Variants in MEGF11 observed in about 807,000 individuals in gnomAD.
The protein encoded by MEGF11 is multiple EGF like domains 11.
In MEGF11, 126 loss-of-function variants were observed where a neutral mutation model predicts 146.6. That is an observed-to-expected ratio of 0.86 (90% confidence interval 0.74 to 1.00). The LOEUF (loss-of-function observed/expected upper bound fraction) is 1.00, where lower values mean the gene tolerates loss of function less well. MEGF11 is among the 50% of genes least tolerant of loss of function. MEGF11 has a pLI of 0.00. For synonymous variants in MEGF11, 532 were observed against 583.4 expected (o/e 0.91, Z 1.27); for missense variants, 1,509 against 1,521.2 (o/e 0.99, Z 0.13).
intron 5 of MEGF11, among the ~76,000 whole-genome samples, chr15:66,043,228 G>A (rs1490955223): frequency 2.0e-5 from 3 of 152,242 alleles, no homozygotes; most frequent in African/African-American, 7.2e-5. Context: ...ACAGTGGTTG[G>A]CAACCCAATG....
intron 5 of MEGF11, among the ~76,000 whole-genome samples, chr15:66,046,436 G>C (rs892686351): frequency 1.3e-5 from 2 of 152,226 alleles, no homozygotes; most frequent in African/African-American, 2.4e-5. Context: ...CTCACGGGAC[G>C]TGGTGGTCAG....
Position 66,107,951 on chromosome 15 carries a change from AAGAC to A in MEGF11, c.301+11131_301+11134del, listed in dbSNP as rs201599034. ...ACCTGGAGTGAAAGGGGCTGCAATC[AAGAC>A]AGGGCCGGGGCTGGGTAGGGAGGTG... is the stretch of plus-strand genomic sequence containing the variant. On this transcript the variant is annotated intron_variant, in intron 4 of 25. Transcript: ENST00000395614. 8.2e-3 allele frequency among the ~76,000 whole-genome samples: 1,205 copies of A among 146,090 alleles called. 7 individuals carry two copies. Among genetic ancestry groups the A allele is most frequent in the Non-Finnish European group, 0.013 (906 of 67,982 alleles).
Position 65,995,156 on chromosome 15 carries a change from C to T in MEGF11, c.395-12668G>A, listed in dbSNP as rs577999812. 4.4e-3 allele frequency among the ~76,000 whole-genome samples: 677 copies of T among 152,218 alleles called. 7 individuals are homozygous for T. Among genetic ancestry groups the T allele is most frequent in the African/African-American group, 0.015 (639 of 41,522 alleles). Reference sequence around the variant, plus strand: ...GGGAAGACAGTCTGAGTGGAGGGGCCGGTAAGAGCACAGGGAGGGGGCGTG... The same window carrying T: ...GGGAAGACAGTCTGAGTGGAGGGGCTGGTAAGAGCACAGGGAGGGGGCGTG... On this transcript the variant is annotated intron_variant, in intron 5 of 25. Coordinates refer to ENST00000395614, the MANE Select transcript of MEGF11 (RefSeq NM_001385028.1).
chr15:65,950,370 A>G (rs556837758), intron 10 of MEGF11, among the ~76,000 whole-genome samples: 1 of 152,212 alleles, frequency 6.6e-6, no homozygotes, highest in East Asian at 1.9e-4. Flanking sequence ...AGATCATGAG[A>G]GGCCAGGAAT....
chr15:66,075,388 G>T (rs1431137691), intron 5 of MEGF11, among the ~76,000 whole-genome samples: 1 of 152,178 alleles, frequency 6.6e-6, no homozygotes, highest in Non-Finnish European at 1.5e-5. Flanking sequence ...TCAGAAGCAG[G>T]ATATTTTCAT....
chr15:66,019,486 T>G (rs1390369095), intron 5 of MEGF11, among the ~76,000 whole-genome samples: 2 of 152,242 alleles, frequency 1.3e-5, no homozygotes, highest in East Asian at 3.8e-4. Flanking sequence ...GCGGCTGCCT[T>G]GGTCTTAGGC....
At chr15:66,188,416 G>A (rs1455398065) in intron 1 of MEGF11, among the ~76,000 whole-genome samples, 1 of 151,970 alleles carries the variant, frequency 6.6e-6, no homozygotes, top group East Asian at 1.9e-4. Context: ...ACCTTGCCAG[G>A]TTACAGCCCT....
intron 1 of MEGF11, among the ~76,000 whole-genome samples, chr15:66,181,262 G>T (rs1157697903): frequency 6.6e-6 from 1 of 152,188 alleles, no homozygotes. Context: ...TTGAGACAGG[G>T]TCTCACTCTG....
intron 5 of MEGF11, among the ~76,000 whole-genome samples, chr15:66,044,132 T>C (rs1270854365): frequency 6.6e-6 from 1 of 152,142 alleles, no homozygotes; most frequent in Non-Finnish European, 1.5e-5. Flanking sequence ...TTGGGGAGCT[T>C]GTACAAAGCA....
At chr15:66,080,218 C>T (rs546475770) in intron 5 of MEGF11, among the ~76,000 whole-genome samples, 7 of 152,214 alleles carry the variant, frequency 4.6e-5, no homozygotes, top group Non-Finnish European at 1.0e-4. Flanking sequence ...TGAGCACAGG[C>T]TCCTCACAAT....
intron 5 of MEGF11, among the ~76,000 whole-genome samples, chr15:66,065,661 G>A (rs551092947): frequency 6.6e-5 from 10 of 152,354 alleles, no homozygotes; most frequent in South Asian, 4.1e-4. Context: ...GGACACTGCC[G>A]AGTGTGGCTT....
At chr15:65,940,171 C>G (rs2079935733) in intron 10 of MEGF11, among the ~76,000 whole-genome samples, 1 of 152,186 alleles carries the variant, frequency 6.6e-6, no homozygotes. Context: ...TGCAGGCGGC[C>G]TGTAGTGGCT....
At chr15:66,124,699 A>G (rs999283293) in intron 2 of MEGF11, among the ~76,000 whole-genome samples, 5 of 152,178 alleles carry the variant, frequency 3.3e-5, no homozygotes, top group Non-Finnish European at 5.9e-5. Context: ...TATGTCCCTG[A>G]TAGAATTGGT....
At chr15:66,073,567 A>G (rs2085456535) in intron 5 of MEGF11, among the ~76,000 whole-genome samples, 2 of 152,154 alleles carry the variant, frequency 1.3e-5, no homozygotes, top group Non-Finnish European at 2.9e-5. Flanking sequence ...CCAGGATCTA[A>G]CAGATCACTC....
At chr15:66,105,339 C>T (rs1158520379) in intron 4 of MEGF11, among the ~76,000 whole-genome samples, 1 of 152,162 alleles carries the variant, frequency 6.6e-6, no homozygotes, top group Admixed American at 6.5e-5. Context: ...TGCCTGGCCT[C>T]CCTTCTGCAA....
intron 16 of MEGF11, among the ~76,000 whole-genome samples, chr15:65,917,622 AC>A (rs1176255755): frequency 6.6e-6 from 1 of 152,028 alleles, no homozygotes; most frequent in African/African-American, 2.4e-5. Context: ...GCCTCATCTC[AC>A]TTCCCTACTC....
chr15:65,950,084 A>G (rs999620867), intron 10 of MEGF11, among the ~76,000 whole-genome samples: 1 of 152,200 alleles, frequency 6.6e-6, no homozygotes, highest in African/African-American at 2.4e-5. Context: ...GGCCAGGACC[A>G]GTCATCCTCT....
intron 1 of MEGF11, among the ~76,000 whole-genome samples, chr15:66,170,102 G>A (rs1255272754): frequency 6.6e-6 from 1 of 152,044 alleles, no homozygotes; most frequent in African/African-American, 2.4e-5. Context: ...CAAAAAGACT[G>A]CACTAAAGAC....
chr15:66,144,970 A>G (rs1279051975), intron 1 of MEGF11, among the ~76,000 whole-genome samples: 1 of 152,190 alleles, frequency 6.6e-6, no homozygotes, highest in African/African-American at 2.4e-5. Flanking sequence ...CCCATTATAC[A>G]GATTAGGGGA....
Sources: allele counts gnomAD v4.1 joint callset (sites outside exome capture counted in the v4.1 genomes callset), GRCh38; gene constraint gnomAD v4.1.1; transcripts MANE v1.5; gene names NCBI Gene and HGNC (gene_info 2026-07-23, HGNC 2026-07-21).